The following SDHAF4 variants were observed in gnomAD, a reference collection of about 807,000 sequenced individuals.
SDHAF4 encodes the protein succinate dehydrogenase complex assembly factor 4.
Under a neutral mutation model 14.3 loss-of-function variants are expected in SDHAF4, and 14 were observed. The ratio of observed to expected loss-of-function variants is 0.98; its 90% CI spans 0.65 to 1.53. SDHAF4 has a LOEUF of 1.53. Ranked by LOEUF, SDHAF4 falls within the 40% of genes most tolerant of loss-of-function variation. The pLI, the probability that SDHAF4 is intolerant of heterozygous loss-of-function variation, is 0.00. For synonymous variants in SDHAF4, 63 were observed against 47.3 expected (o/e 1.33, Z -1.36); for missense variants, 141 against 129.3 (o/e 1.09, Z -0.44).
At chr6:70,567,313 G>T (rs1208799667) in intron 1 of SDHAF4, 2 of 403,106 alleles carry the variant, frequency 5.0e-6, no homozygotes, top group Non-Finnish European at 8.9e-6. Flanking sequence ...GTGGGAGCTC[G>T]CAGGGCACAC....
chr6:70,581,174 C>A (rs1287313586), intron 2 of SDHAF4, among the ~76,000 whole-genome samples: 1 of 150,994 alleles, frequency 6.6e-6, no homozygotes, highest in African/African-American at 2.4e-5. Context: ...AAGTGACCAA[C>A]CCCCCTCGGC....
At chr6:70,587,702 G>A (rs928230499) in intron 2 of SDHAF4, among the ~76,000 whole-genome samples, 2 of 152,150 alleles carry the variant, frequency 1.3e-5, no homozygotes, top group Non-Finnish European at 2.9e-5. Context: ...CATCTATAAA[G>A]TTGGAACAAT....
At chr6:70,570,812 G>A (rs1040840084) in intron 1 of SDHAF4, among the ~76,000 whole-genome samples, 19 of 152,022 alleles carry the variant, frequency 1.2e-4, no homozygotes, top group African/African-American at 4.6e-4. Flanking sequence ...TAACTTCTAA[G>A]GCATGTTTTA....
chr6:70,580,253 G>A (rs1405207348), intron 2 of SDHAF4, among the ~76,000 whole-genome samples: 2 of 152,214 alleles, frequency 1.3e-5, no homozygotes, highest in East Asian at 1.9e-4. Flanking sequence ...TATCATTAGG[G>A]AAATGCAAAT....
the SDHAF4 span, among the ~76,000 whole-genome samples, chr6:70,597,952 A>G: frequency 1.0e-3 from 157 of 152,348 alleles, no homozygotes; most frequent in African/African-American, 3.6e-3. Flanking sequence ...GTTGCTATAA[A>G]TGAATTACAA....
intron 1 of SDHAF4, among the ~76,000 whole-genome samples, chr6:70,573,264 C>CTTTT (rs202098262): frequency 1.8e-5 from 2 of 110,454 alleles, no homozygotes; most frequent in East Asian, 2.2e-4. Context: ...GCTATTTGGC[C>CTTTT]TTTTTTTTTT....
intron 1 of SDHAF4, among the ~76,000 whole-genome samples, chr6:70,574,883 C>CA (rs1802231636): frequency 6.6e-6 from 1 of 152,042 alleles, no homozygotes. Flanking sequence ...AGCCATGATT[C>CA]TGCCACTACA....
intron 2 of SDHAF4, among the ~76,000 whole-genome samples, chr6:70,583,116 A>T (rs911574736): frequency 5.9e-5 from 9 of 152,128 alleles, no homozygotes; most frequent in African/African-American, 2.2e-4. Context: ...AGGAAAAATA[A>T]TTTTTTGTTT....
Position 70,571,874 on chromosome 6 carries a change from T to A in SDHAF4, c.64+4870T>A, listed in dbSNP as rs1802183145. ...AGTCAGTTTTGGTAAGTTAACTTTT[T>A]CTGGAAAGGTTTCCATTTTGTATTG... On this transcript the variant is annotated intron_variant, in intron 1 of 2. Transcript: ENST00000370474. 2.0e-5 allele frequency among the ~76,000 whole-genome samples: 3 copies of A among 152,200 alleles called. No individual in the cohort carries two copies. The East Asian group carries it at 5.8e-4, about 29-fold the overall frequency.
chr6:70,570,354 G>A (rs1802163417), intron 1 of SDHAF4, among the ~76,000 whole-genome samples: 1 of 152,044 alleles, frequency 6.6e-6, no homozygotes, highest in South Asian at 2.1e-4. Context: ...AAAGGGTCTT[G>A]CTCTGTCACC....
chr6:70,591,685 TACA>T (rs1399739716), downstream of SDHAF4, among the ~76,000 whole-genome samples: 12 of 152,166 alleles, frequency 7.9e-5, no homozygotes, highest in Non-Finnish European at 5.9e-5. Flanking sequence ...TTTATATGAG[TACA>T]ACATTTAAAA....
Position 70,566,981 on chromosome 6 carries a change from C to T in SDHAF4, c.41C>T (p.Ser14Leu), listed in dbSNP as rs759655171. The part of the protein sequence containing the change: ...SRLPWLLSWV[S>L]ATAWRAARSP... ...CTTCCCTGGTTGCTTAGCTGGGTCT[C>T]GGCCACGGCGTGGAGAGCGGCAAGT... The change falls in exon 1 of 3, where the codon TCG becomes TTG. Residue 14 changes from serine to leucine, a missense_variant. Physicochemically the swap from Ser to Leu is moderately radical, Grantham distance 145. Transcript: ENST00000370474. The T allele has an allele frequency of 1.9e-6, 3 of 1,591,620 alleles. No individual in the cohort carries two copies. The highest frequency in any genetic ancestry group is 1.8e-5 in the Admixed American group (1 of 56,778).
At chr6:70,579,963 A>G (rs970974870) in intron 2 of SDHAF4, among the ~76,000 whole-genome samples, 3 of 151,972 alleles carry the variant, frequency 2.0e-5, no homozygotes, top group African/African-American at 2.4e-5. Context: ...TACACATATT[A>G]TATATAAAGG....
At chr6:70,581,321 AG>A (rs1802319495) in intron 2 of SDHAF4, among the ~76,000 whole-genome samples, 1 of 151,862 alleles carries the variant, frequency 6.6e-6, no homozygotes, top group Non-Finnish European at 1.5e-5. Context: ...TAAAAAAAAA[AG>A]AAAGCAAAAA....
chr6:70,585,094 G>C (rs551318363), intron 2 of SDHAF4, among the ~76,000 whole-genome samples: 6 of 152,302 alleles, frequency 3.9e-5, no homozygotes, highest in Admixed American at 3.3e-4. Flanking sequence ...CTTCCCCAGT[G>C]CTGTGGACTG....
At chr6:70,597,130 G>GT in the SDHAF4 span, 2 of 151,742 alleles carry the variant, frequency 1.3e-5, no homozygotes, top group East Asian at 3.9e-4. Flanking sequence ...CTGTTTTGGT[G>GT]TTTTTTGTTT....
downstream of SDHAF4, among the ~76,000 whole-genome samples, chr6:70,592,281 G>A (rs1234577126): frequency 6.6e-6 from 1 of 152,220 alleles, no homozygotes. Context: ...ACTGGATAAT[G>A]GGCAAAGATT....
At chr6:70,575,069 AC>A (rs1190420799) in intron 1 of SDHAF4, among the ~76,000 whole-genome samples, 1 of 152,166 alleles carries the variant, frequency 6.6e-6, no homozygotes, top group Non-Finnish European at 1.5e-5. Flanking sequence ...TCTGTATCCT[AC>A]GATCTAGGCA....
intron 2 of SDHAF4, 121 bp from the exon 3 acceptor site, chr6:70,588,494 T>C (rs967640018): frequency 1.5e-5 from 7 of 452,552 alleles, no homozygotes; most frequent in Admixed American, 3.5e-5. Flanking sequence ...CAATCCAGCC[T>C]GGGCAACAGA....
Sources: allele counts gnomAD v4.1 joint callset (sites outside exome capture counted in the v4.1 genomes callset), GRCh38; gene constraint gnomAD v4.1.1; transcripts MANE v1.5; gene names NCBI Gene and HGNC (gene_info 2026-07-23, HGNC 2026-07-21).